The following SVIL variants were observed in gnomAD, a reference collection of about 807,000 sequenced individuals.
SVIL encodes the protein supervillin, also known as archvillin.
SVIL carries 101 observed loss-of-function variants against 240.4 expected under a neutral mutation model. The observed-to-expected ratio is 0.42, with a 90% CI of 0.36 to 0.50. The LOEUF is 0.50. SVIL is among the 20% of genes least tolerant of loss of function. SVIL has a pLI of 0.01. For missense variants in SVIL, 2,512 were observed against 2,818.7 expected (o/e 0.89, Z 2.46); for synonymous variants, 999 against 1,100.0 (o/e 0.91, Z 1.82).
chr10:29,700,450 A>G (rs1278908797), intron 1 of SVIL, among the ~76,000 whole-genome samples: 1 of 150,774 alleles, frequency 6.6e-6, no homozygotes, highest in Non-Finnish European at 1.5e-5. Context: ...AACACAGAGA[A>G]GAAATTCTTA....
chr10:29,458,238 TCTCCCCA>T lies in SVIL; in HGVS notation c.*2_*8del. 1 of 1,613,972 alleles carries T rather than the reference TCTCCCCA, an allele frequency of 6.2e-7. No individual in the cohort carries two copies. The highest frequency in any genetic ancestry group is 8.5e-7 in the Non-Finnish European group (1 of 1,179,918). On this transcript the variant is annotated 3_prime_UTR_variant, in exon 38 of 38. Transcript: ENST00000355867. ...ACGTGACCGTGAGGCTCCTCTGGCG[TCTCCCCA>T]CTCAGAACAGGCCTTTTGCTTTCTT...
chr10:29,514,515 T>G (rs1950081268), intron 16 of SVIL, among the ~76,000 whole-genome samples: 2 of 152,162 alleles, frequency 1.3e-5, no homozygotes, highest in South Asian at 4.1e-4. Flanking sequence ...TAGCTAGGAC[T>G]ACACTTGTGC....
rs34507610 is a variant in SVIL, at chr10:29,562,769, G to GAA, written c.-51+430_-51+431dup. Among the ~76,000 whole-genome samples, 93 of 115,726 alleles carry GAA rather than the reference G, an allele frequency of 8.0e-4. No individual in the cohort carries two copies. The East Asian group carries it at 9.2e-3, about 11-fold the overall frequency. 75.9% of individuals were successfully genotyped at this position (115,726 alleles called of 152,430 possible). ...GAGCGAGACTCCGTCTCAAAAAAAA[G>GAA]AAAAAAAAAAAAAAAAAAAAAAAAA... is the stretch of plus-strand genomic sequence containing the variant. On this transcript the variant is annotated intron_variant, in intron 3 of 37. Transcript: ENST00000355867.
At chr10:29,734,875 T>C (rs1047371146) in intron 1 of SVIL, among the ~76,000 whole-genome samples, 1 of 152,154 alleles carries the variant, frequency 6.6e-6, no homozygotes, top group Non-Finnish European at 1.5e-5. Flanking sequence ...AACCTCGGGA[T>C]GGGGCTGGGG....
chr10:29,490,924 T>G lies in SVIL; in HGVS notation c.4115A>C (p.Glu1372Ala). 1.2e-6 allele frequency: 2 copies of G among 1,613,982 alleles called. No individual in the cohort carries two copies. The highest frequency in any genetic ancestry group is 1.7e-6 in the Non-Finnish European group (2 of 1,179,868). The part of the protein sequence containing the change: ...KNPLKMLAAR[E>A]DLLQEYTEQR... ...CTCAGTGTATTCCTGAAGGAGATCTTCTCTTGCCGCCAGCATTTTCAGGGG... is the reference window on the plus strand; with the variant it reads ...CTCAGTGTATTCCTGAAGGAGATCTGCTCTTGCCGCCAGCATTTTCAGGGG... The change falls in exon 22 of 38, where the codon GAA becomes GCA. Residue 1372 changes from glutamate (E) to alanine (A), a missense_variant. Glu to Ala is a moderately radical substitution (Grantham distance 107, BLOSUM62 -1). Transcript: ENST00000355867.
intron 1 of SVIL, among the ~76,000 whole-genome samples, chr10:29,622,224 T>G (rs2132917452): frequency 2.7e-5 from 3 of 109,958 alleles, no homozygotes; most frequent in South Asian, 6.4e-4. Context: ...CACTCCAGCC[T>G]GGGCGACAGA....
At chr10:29,477,846 A>T (rs555079770) in intron 29 of SVIL, among the ~76,000 whole-genome samples, 70 of 152,276 alleles carry the variant, frequency 4.6e-4, no homozygotes, top group African/African-American at 1.6e-3. Context: ...TATAGAAAGG[A>T]ATCACCCGGC....
chr10:29,497,110 T>C (rs1002806313), intron 18 of SVIL, among the ~76,000 whole-genome samples: 1 of 152,164 alleles, frequency 6.6e-6, no homozygotes, highest in African/African-American at 2.4e-5. Context: ...AAGGTAAGAA[T>C]AGATTTGTTA....
chr10:29,612,326 C>CAAAA (rs1957276976), intron 1 of SVIL, among the ~76,000 whole-genome samples: 1 of 152,202 alleles, frequency 6.6e-6, no homozygotes, highest in African/African-American at 2.4e-5. Context: ...TCCCTGCTCT[C>CAAAA]TGTTTATCTC....
rs560426478 is a variant in SVIL, at chr10:29,632,007, C to T, written c.-201+2413G>A. Among the ~76,000 whole-genome samples, 7 of 152,170 alleles carry T rather than the reference C, an allele frequency of 4.6e-5. No homozygotes were observed. The South Asian group carries it at 1.2e-3, about 27-fold the overall frequency. The stretch of plus-strand genomic sequence containing the variant: ...AAATTGCAATGAGTGTCCTAAAATC[C>T]CAGGCAGCTGCAGATTCAGGAGATG... On this transcript the variant is annotated intron_variant, in intron 1 of 37. Coordinates refer to ENST00000355867, the MANE Select transcript of SVIL (RefSeq NM_021738.3).
At position 29,499,143 on chromosome 10, in the gene SVIL, T is replaced by G. The variant is rs762836909; in HGVS notation, c.3637A>C (p.Thr1213Pro). 2.5e-6 allele frequency: 4 copies of G among 1,613,356 alleles called. No individual in the cohort carries two copies. The African/African-American group carries it at 4.0e-5, about 16-fold the overall frequency. The stretch of plus-strand genomic sequence containing the variant: ...TTCTTCACCATCCTGCCAGCCACAG[T>G]GAACTGGGTCGAGTCGTTGGCCGCT... ...RGAANDSTQF[T>P]VAGRMVKKGL... is the part of the protein sequence containing the mutation. The change falls in exon 18 of 38, where the codon ACT becomes CCT. Residue 1213 changes from threonine to proline, a missense_variant. Around this residue, in one of 3 missense-constraint regions of SVIL, gnomAD observed 272 missense variants for 406.8 expected, o/e 0.67. Coordinates refer to ENST00000355867, the MANE Select transcript of SVIL (RefSeq NM_021738.3).
At chr10:29,524,151 G>T in intron 14 of SVIL, 124 bp from the exon 15 acceptor site, 1 of 1,075,242 alleles carries the variant, frequency 9.3e-7, no homozygotes, top group Non-Finnish European at 1.3e-6. Flanking sequence ...TCTCTTAGTG[G>T]AAAACCATTC....
At chr10:29,497,458 C>A (rs1241970184) in intron 18 of SVIL, among the ~76,000 whole-genome samples, 25 of 152,196 alleles carry the variant, frequency 1.6e-4, no homozygotes, top group Non-Finnish European at 1.9e-4. Context: ...CCCAAACACT[C>A]TTATGAAGCC....
At chr10:29,553,630 C>A (rs954052165) in intron 5 of SVIL, among the ~76,000 whole-genome samples, 1 of 152,102 alleles carries the variant, frequency 6.6e-6, no homozygotes, top group African/African-American at 2.4e-5. Flanking sequence ...AGCAGCACAG[C>A]TCCTCAGAGC....
chr10:29,673,891 A>T (rs979150058), intron 2 of SVIL, among the ~76,000 whole-genome samples: 1 of 152,242 alleles, frequency 6.6e-6, no homozygotes, highest in Non-Finnish European at 1.5e-5. Context: ...GACCCCAAGG[A>T]AGTTAAGAAT....
At chr10:29,572,218 G>T (rs1404157919) in intron 1 of SVIL, among the ~76,000 whole-genome samples, 1 of 152,070 alleles carries the variant, frequency 6.6e-6, no homozygotes, top group African/African-American at 2.4e-5. Context: ...ATCAACCCTG[G>T]GTACTAGAGG....
rs767673427 is a variant in SVIL at position 29,499,154 on chromosome 10, G to C, written c.3626C>G (p.Ser1209Trp). 1 of 1,613,968 alleles carries C rather than the reference G, an allele frequency of 6.2e-7. No homozygotes were observed. Among genetic ancestry groups the C allele is most frequent in the Non-Finnish European group, 8.5e-7 (1 of 1,180,004 alleles). The change falls in exon 18 of 38, where the codon TCG (serine) becomes TGG (tryptophan). Residue 1209 changes from serine to tryptophan, a missense_variant. Around this residue, in one of 3 missense-constraint regions of SVIL, gnomAD observed 272 missense variants for 406.8 expected, o/e 0.67. Transcript: ENST00000355867. The stretch of plus-strand genomic sequence containing the variant: ...CCTGCCAGCCACAGTGAACTGGGTC[G>C]AGTCGTTGGCCGCTCCTCTGCCTCT... ...KTRGRGAAND[S>W]TQFTVAGRMV...
chr10:29,722,677 G>A (rs2132698034), intron 1 of SVIL, among the ~76,000 whole-genome samples: 1 of 152,232 alleles, frequency 6.6e-6, no homozygotes, highest in South Asian at 2.1e-4. Flanking sequence ...CAAAAAGCAG[G>A]CAGATGCTTG....
At chr10:29,630,682 T>C (rs1179396215) in intron 1 of SVIL, among the ~76,000 whole-genome samples, 1 of 151,920 alleles carries the variant, frequency 6.6e-6, no homozygotes, top group Non-Finnish European at 1.5e-5. Context: ...AGAAACCCCA[T>C]ATACAGAAAC....
Sources: allele counts gnomAD v4.1 joint callset (sites outside exome capture counted in the v4.1 genomes callset), GRCh38; gene constraint gnomAD v4.1.1; regional missense constraint gnomAD v4.1.1; transcripts MANE v1.5; gene names NCBI Gene and HGNC (gene_info 2026-07-23, HGNC 2026-07-21).